PCDHA2: variants seen among roughly 807,000 people sequenced by gnomAD.
PCDHA2 encodes protocadherin alpha 2, also known as protocadherin alpha-2.
A neutral mutation model predicts 66.0 loss-of-function variants in PCDHA2; 58 were observed. The ratio of observed to expected loss-of-function variants is 0.88; its 90% CI spans 0.71 to 1.09. The LOEUF (loss-of-function observed/expected upper bound fraction) is 1.09, where lower values mean the gene tolerates loss of function less well. Ranked by LOEUF, PCDHA2 falls within the 50% of genes least tolerant of loss-of-function variation. PCDHA2 has a pLI of 0.00. For missense variants in PCDHA2, 1,267 were observed against 1,242.3 expected (o/e 1.02, Z -0.30); for synonymous variants, 634 against 554.0 (o/e 1.14, Z -2.03).
intron 1 of PCDHA2, chr5:140,843,522 C>T: frequency 1.1e-5 from 17 of 1,595,794 alleles, no homozygotes; most frequent in Non-Finnish European, 1.5e-5. Flanking sequence ...GGGTGCCGGG[C>T]GGGCAAGCCC....
intron 1 of PCDHA2, chr5:140,926,635 C>A: frequency 2.3e-6 from 1 of 442,720 alleles, no homozygotes; most frequent in Non-Finnish European, 3.8e-6. Context: ...CTGCGCTCCT[C>A]AACACCCGGC....
At chr5:140,907,706 A>G (rs1171479205) in intron 1 of PCDHA2, among the ~76,000 whole-genome samples, 1 of 152,172 alleles carries the variant, frequency 6.6e-6, no homozygotes, top group Non-Finnish European at 1.5e-5. Flanking sequence ...CCTGTTGCTG[A>G]GCCCATGTGT....
chr5:140,807,986 T>C, intron 1 of PCDHA2: 1 of 1,613,662 alleles, frequency 6.2e-7, no homozygotes, highest in Non-Finnish European at 8.5e-7. Flanking sequence ...ACTTAACGCC[T>C]CAGATTTAGA....
intron 1 of PCDHA2, among the ~76,000 whole-genome samples, chr5:140,939,903 C>A (rs782506444): frequency 3.9e-4 from 60 of 152,166 alleles, no homozygotes; most frequent in Non-Finnish European, 5.9e-4. Flanking sequence ...ATTCTGCATT[C>A]TTTTTTATTC....
intron 1 of PCDHA2, among the ~76,000 whole-genome samples, chr5:140,940,102 T>C (rs1372400488): frequency 2.0e-5 from 3 of 152,228 alleles, no homozygotes; most frequent in African/African-American, 7.2e-5. Context: ...ACTTTTAGCG[T>C]TATGTATTAT....
Position 140,979,023 on chromosome 5 carries a change from C to G in PCDHA2, c.2447+16C>G, listed in dbSNP as rs2096831948. On this transcript the variant is annotated intron_variant, in intron 2 of 3. Transcript: ENST00000526136. ...GCATGCACAGGTATGTATTTCCCTC[C>G]TCATTCACTCAGAAGTAACCTTAAC... The G allele has an allele frequency of 6.2e-7, 1 of 1,613,422 alleles. No homozygotes were observed.
rs572947059 is a variant in PCDHA2 at position 141,007,735 on chromosome 5, A to G, written c.2537-1892A>G. Reference sequence around the variant, plus strand: ...CCACCAGGGAGAACAAAGGTTAACCACTGAAGATAACTTTGGACTCTTATT... The same window carrying G: ...CCACCAGGGAGAACAAAGGTTAACCGCTGAAGATAACTTTGGACTCTTATT... On this transcript the variant is annotated intron_variant, in intron 3 of 3. Coordinates refer to ENST00000526136, the MANE Select transcript of PCDHA2 (RefSeq NM_018905.3). Among the ~76,000 whole-genome samples, 58 of 152,336 alleles carry G rather than the reference A, an allele frequency of 3.8e-4. 1 individual carries two copies. Among genetic ancestry groups the G allele is most frequent in the South Asian group, 2.9e-3 (14 of 4,824 alleles).
intron 1 of PCDHA2, among the ~76,000 whole-genome samples, chr5:140,892,180 T>C (rs1176959692): frequency 6.6e-6 from 1 of 152,224 alleles, no homozygotes; most frequent in African/African-American, 2.4e-5. Context: ...GGGATCCTCA[T>C]GGGTCTATTC....
At chr5:140,836,032 C>G (rs2150251120) in intron 1 of PCDHA2, 1 of 1,613,416 alleles carries the variant, frequency 6.2e-7, no homozygotes, top group African/African-American at 1.3e-5. Context: ...AGCAACGTGA[C>G]GCTGCAGGTG....
chr5:140,855,986 G>A (rs191873949), intron 1 of PCDHA2: 1 of 1,477,690 alleles, frequency 6.8e-7, no homozygotes, highest in Non-Finnish European at 9.1e-7. Context: ...GACAGAAAAT[G>A]TCAGATCGTA....
At chr5:140,803,593 T>C (rs782270719) in intron 1 of PCDHA2, 28 of 1,614,060 alleles carry the variant, frequency 1.7e-5, no homozygotes, top group South Asian at 4.4e-5. Flanking sequence ...TCAGCCAAAG[T>C]GAGTAATTTT....
intron 1 of PCDHA2, chr5:140,801,645 T>C: frequency 6.2e-7 from 1 of 1,614,188 alleles, no homozygotes; most frequent in African/African-American, 1.3e-5. Flanking sequence ...ACAGCCTGGC[T>C]CTCGGTTTTC....
At chr5:140,803,612 C>T (rs577997860) in intron 1 of PCDHA2, 2 of 1,614,002 alleles carry the variant, frequency 1.2e-6, no homozygotes, top group East Asian at 2.2e-5. Context: ...TTTATTTATT[C>T]TTTCCAAAAT....
At chr5:140,863,166 G>T (rs782088342) in intron 1 of PCDHA2, 4 of 672,474 alleles carry the variant, frequency 5.9e-6, no homozygotes, top group African/African-American at 5.4e-5. Flanking sequence ...GCGAGCTGGC[G>T]CTGACTGCCA....
chr5:140,941,255 C>CTTTCTTTCTTTCTTTCTTTCTCTT (rs782490896), intron 1 of PCDHA2, among the ~76,000 whole-genome samples: 1 of 44,508 alleles, frequency 2.2e-5, no homozygotes, highest in Non-Finnish European at 5.1e-5. Flanking sequence ...TTCTTTCTTT[C>CTTTCTTTCTTTCTTTCTTTCTCTT]TCTTTCTTTC....
At chr5:140,868,894 G>T in intron 1 of PCDHA2, 6 of 771,428 alleles carry the variant, frequency 7.8e-6, no homozygotes, top group Non-Finnish European at 1.2e-5. Flanking sequence ...TTAGGCGCAA[G>T]GTGTCGCTCT....
intron 1 of PCDHA2, chr5:140,805,148 A>G: frequency 6.4e-7 from 1 of 1,564,848 alleles, no homozygotes; most frequent in Middle Eastern, 1.7e-4. Flanking sequence ...AGACTTTGGA[A>G]TTTTCACTTC....
chr5:140,993,786 C>G (rs2097581960), intron 3 of PCDHA2, among the ~76,000 whole-genome samples: 1 of 152,162 alleles, frequency 6.6e-6, no homozygotes, highest in Admixed American at 6.5e-5. Flanking sequence ...TGTACAGTAA[C>G]ATGCTGTGCA....
At chr5:140,922,072 A>C (rs1390677282) in intron 1 of PCDHA2, among the ~76,000 whole-genome samples, 1 of 152,198 alleles carries the variant, frequency 6.6e-6, no homozygotes, top group East Asian at 1.9e-4. Context: ...AATCCCACTA[A>C]GCAAAAAGTG....
Sources: allele counts gnomAD v4.1 joint callset (sites outside exome capture counted in the v4.1 genomes callset), GRCh38; gene constraint gnomAD v4.1.1; transcripts MANE v1.5; gene names NCBI Gene and HGNC (gene_info 2026-07-23, HGNC 2026-07-21).